SHANK2: variants seen among roughly 807,000 people sequenced by gnomAD.
SHANK2 encodes SH3 and multiple ankyrin repeat domains 2, also known as SH3 and multiple ankyrin repeat domains protein 2.
Under a neutral mutation model 133.7 loss-of-function variants are expected in SHANK2, and 43 were observed. The ratio of observed to expected loss-of-function variants is 0.32; its 90% CI spans 0.25 to 0.41. The LOEUF is 0.41. Among genes scored for constraint, SHANK2 ranks in the 10% least tolerant of loss-of-function variants. The probability of loss-of-function intolerance (pLI) is 1.00; values close to 1 mark genes in which losing one functional copy is unlikely to be tolerated. For synonymous variants in SHANK2, 1,017 were observed against 952.8 expected, an observed-to-expected ratio of 1.07 and a Z score of -1.24; for missense variants, 1,994 against 2,235.8, an observed-to-expected ratio of 0.89 and a Z score of 2.18.
intron 14 of SHANK2, among the ~76,000 whole-genome samples, chr11:70,773,189 G>A (rs1350815687): frequency 2.6e-5 from 4 of 152,212 alleles, no homozygotes; most frequent in East Asian, 1.9e-4. Flanking sequence ...CCAGTGCACC[G>A]CTCAAGAACA....
At chr11:70,862,554 TGACTGGACTGGCTGATG>T (rs1404079150) in intron 11 of SHANK2, among the ~76,000 whole-genome samples, 1 of 135,594 alleles carries the variant, frequency 7.4e-6, no homozygotes, top group Non-Finnish European at 1.6e-5. Context: ...CTGATGGACA[TGACTGGACTGGCTGATG>T]GACTGGACGG....
intron 17 of SHANK2, among the ~76,000 whole-genome samples, chr11:70,534,379 A>T (rs376948944): frequency 6.6e-6 from 1 of 152,148 alleles, no homozygotes; most frequent in Non-Finnish European, 1.5e-5. Context: ...CCATGATTCA[A>T]TTACTTCCCA....
At chr11:70,647,085 T>G (rs1267696831) in intron 17 of SHANK2, among the ~76,000 whole-genome samples, 2 of 151,994 alleles carry the variant, frequency 1.3e-5, no homozygotes, top group African/African-American at 4.8e-5. Flanking sequence ...AGGCTGGTCT[T>G]GAACTCTTGA....
intron 3 of SHANK2, among the ~76,000 whole-genome samples, chr11:71,120,755 T>G (rs1175931905): frequency 2.0e-5 from 3 of 152,184 alleles, no homozygotes; most frequent in Non-Finnish European, 4.4e-5. Context: ...AGAAACAAGC[T>G]GTATCAGGTG....
intron 2 of SHANK2, among the ~76,000 whole-genome samples, chr11:71,153,261 C>T (rs1443009532): frequency 1.5e-5 from 2 of 136,326 alleles, no homozygotes; most frequent in African/African-American, 2.8e-5. Flanking sequence ...CCGGGGCAAC[C>T]GTTTTCTGTG....
At chr11:70,902,595 A>G (rs1555076997) in intron 10 of SHANK2, among the ~76,000 whole-genome samples, 2 of 152,206 alleles carry the variant, frequency 1.3e-5, no homozygotes, top group African/African-American at 4.8e-5. Context: ...CTGCATTTGA[A>G]GTGTGATCTA....
At chr11:71,220,535 C>G (rs1954514558) in intron 2 of SHANK2, among the ~76,000 whole-genome samples, 1 of 152,170 alleles carries the variant, frequency 6.6e-6, no homozygotes, top group African/African-American at 2.4e-5. Flanking sequence ...AACCCAGTGT[C>G]CACCACTGGA....
At chr11:70,556,635 A>C (rs2136108008) in intron 17 of SHANK2, among the ~76,000 whole-genome samples, 1 of 145,698 alleles carries the variant, frequency 6.9e-6, no homozygotes, top group Non-Finnish European at 1.5e-5. Flanking sequence ...TCTGTCACCC[A>C]GGCTGGAGTG....
chr11:70,839,375 C>T (rs1948869282), intron 11 of SHANK2, among the ~76,000 whole-genome samples: 1 of 152,200 alleles, frequency 6.6e-6, no homozygotes. Flanking sequence ...CACTCCACAG[C>T]CCGTGGTATC....
rs184465432 is a variant in SHANK2 at position 70,531,364 on chromosome 11, G to A, written c.2062-28433C>T. Among the ~76,000 whole-genome samples, 33 of 152,304 alleles carry A rather than the reference G, an allele frequency of 2.2e-4. No homozygotes were observed. In the East Asian group the frequency reaches 5.6e-3, roughly 26 times the overall value. ...GGTGGGGCCACTCTTTGGGGTCTTG[G>A]AGGATCAAATGCAAATGCACCCACG... On this transcript the variant is annotated intron_variant, in intron 17 of 25. Transcript: ENST00000601538.
chr11:70,869,580 G>C (rs528292776), intron 11 of SHANK2, among the ~76,000 whole-genome samples: 1 of 152,166 alleles, frequency 6.6e-6, no homozygotes, highest in African/African-American at 2.4e-5. Context: ...TCTCCACCAA[G>C]CCAGGCTCGG....
intron 11 of SHANK2, among the ~76,000 whole-genome samples, chr11:70,826,983 T>C (rs2135382617): frequency 6.6e-6 from 1 of 152,312 alleles, no homozygotes; most frequent in African/African-American, 2.4e-5. Context: ...TGTGCTTTTC[T>C]ATTTTTTTAA....
At chr11:71,089,278 A>C (rs1311690126) in intron 8 of SHANK2, among the ~76,000 whole-genome samples, 4 of 152,268 alleles carry the variant, frequency 2.6e-5, no homozygotes, top group Middle Eastern at 3.4e-3. Flanking sequence ...CTGACAGCCA[A>C]GCGCAGCAAG....
intron 21 of SHANK2, chr11:70,495,780 C>T (rs115682769): frequency 1.0e-5 from 2 of 196,260 alleles, no homozygotes; most frequent in East Asian, 1.7e-4. Flanking sequence ...GCAGCTGGAG[C>T]CCAACAAAAC....
intron 3 of SHANK2, among the ~76,000 whole-genome samples, chr11:71,125,988 G>A (rs1390933697): frequency 1.3e-5 from 2 of 152,098 alleles, no homozygotes; most frequent in Non-Finnish European, 2.9e-5. Flanking sequence ...AGGAGGCCAA[G>A]GTGGGCGGAT....
chr11:71,083,984 G>T (rs1053755873), intron 8 of SHANK2, among the ~76,000 whole-genome samples: 1 of 149,350 alleles, frequency 6.7e-6, no homozygotes. Context: ...TTTTTTGGGG[G>T]GGGGAGACAG....
intron 10 of SHANK2, among the ~76,000 whole-genome samples, chr11:70,897,874 G>C (rs1258936358): frequency 6.6e-6 from 1 of 151,772 alleles, no homozygotes; most frequent in Non-Finnish European, 1.5e-5. Flanking sequence ...AATAATTTGG[G>C]ACTTTATTTA....
intron 10 of SHANK2, among the ~76,000 whole-genome samples, chr11:70,924,410 C>T (rs576745005): frequency 7.3e-4 from 111 of 152,222 alleles, no homozygotes; most frequent in African/African-American, 2.1e-3. Flanking sequence ...CAACAGCCAG[C>T]GAAATGGTGG....
chr11:70,487,432 C>T lies in SHANK2; in HGVS notation c.2861G>A (p.Arg954Lys). 1 of 1,614,146 alleles carries T rather than the reference C, an allele frequency of 6.2e-7. No homozygotes were observed. The highest frequency in any genetic ancestry group is 8.5e-7 in the Non-Finnish European group (1 of 1,180,038). ...MMREKGMYFR[R>K]ELDRYSLDSE... ...GTCCAAGGAGTAGCGGTCCAGCTCTCTCCTGAAGTACATCCCCTTCTCCCT... is the reference window on the plus strand; with the variant it reads ...GTCCAAGGAGTAGCGGTCCAGCTCTTTCCTGAAGTACATCCCCTTCTCCCT... Residue 954 changes from arginine to lysine, a missense_variant, in exon 25 of 26, where the codon AGA becomes AAA. Arg to Lys is a conservative substitution (Grantham distance 26). Transcript: ENST00000601538. This position sits in a 1 kb window ranked among gnomAD's most constrained non-coding sequence, Gnocchi z 5.8.
Sources: gnomAD v4.1 joint callset for allele counts (sites outside exome capture counted in the v4.1 genomes callset) on GRCh38, gnomAD v4.1.1 for gene constraint, Gnocchi (gnomAD v3.1) non-coding constraint, MANE v1.5 for transcripts, NCBI Gene and HGNC (gene_info 2026-07-23, HGNC 2026-07-21) for gene names.